The following CYSLTR1 variants were observed in gnomAD, a reference collection of about 807,000 sequenced individuals.
The protein encoded by CYSLTR1 is G-protein coupled receptor HG55.
CYSLTR1 carries 1 observed loss-of-function variant against 2.1 expected under a neutral mutation model. The ratio of observed to expected loss-of-function variants is 0.48; its 90% confidence interval spans 0.17 to 2.28. The LOEUF (loss-of-function observed/expected upper bound fraction) is 2.28, where lower values mean the gene tolerates loss of function less well. Among genes scored for constraint, CYSLTR1 ranks in the 30% most tolerant of loss-of-function variants. The pLI is 0.26. For synonymous variants in CYSLTR1, 110 were observed against 89.6 expected, an observed-to-expected ratio of 1.23 and a Z score of -1.28; for missense variants, 299 against 250.1, an observed-to-expected ratio of 1.20 and a Z score of -1.32.
intron 1 of CYSLTR1, among the ~76,000 whole-genome samples, chrX:78,285,602 A>G (rs1221228320): frequency 1.8e-5 from 2 of 111,854 alleles, no homozygotes; most frequent in African/African-American, 6.5e-5. Context: ...GAGAAGTTTA[A>G]TATTACCAGC....
At position 78,273,424 on chromosome X, in the gene CYSLTR1, T is replaced by C; in HGVS notation, c.323A>G (p.Tyr108Cys). The C allele has an allele frequency of 2.5e-6, 3 of 1,211,192 alleles. No individual in the cohort carries two copies. The highest frequency in any genetic ancestry group is 3.4e-6 in the Non-Finnish European group (3 of 895,260). ...GGCTGTCATAAAGAAGATGCTACAA[T>C]AGAGGTTGACATACAAAGCATAGGT... ...LSTYALYVNLYCSIFFMTAMS... is the reference protein window; with the variant it reads ...LSTYALYVNLCCSIFFMTAMS... The change falls in exon 3 of 3, where the codon TAT becomes TGT. Residue 108 changes from tyrosine to cysteine, a missense_variant. Tyr to Cys is a radical substitution (Grantham distance 194, BLOSUM62 -2). Transcript: ENST00000373304.
rs756063081 is a variant in CYSLTR1, at chrX:78,298,705, G to T, written c.-114-15165C>A. ...AGTATAGTGACTCCTGCTCTTTTTG[G>T]TTTTTTATTGGCATGGAATGTCTTT... On this transcript the variant is annotated intron_variant, in intron 1 of 2. Coordinates refer to ENST00000373304, the MANE Select transcript of CYSLTR1 (RefSeq NM_006639.4). 8.1e-5 allele frequency among the ~76,000 whole-genome samples: 9 copies of T among 110,937 alleles called. No individual in the cohort carries two copies. In the East Asian group the frequency reaches 1.1e-3, roughly 14 times the overall value.
In CYSLTR1 at chrX:78,271,792, TA is replaced by T. The variant is rs1025859606; in HGVS notation, c.*940del. 8.9e-6 allele frequency: 1 copy of T among 112,590 alleles called. No individual in the cohort carries two copies. The highest frequency in any genetic ancestry group is 3.2e-5 in the African/African-American group (1 of 31,010). 9.3% of individuals were successfully genotyped at this position (112,590 alleles called of 1,213,427 possible). A position where few individuals can be genotyped will look rare whatever the true frequency, so the allele number is the denominator to read the frequency against. ...CATATACATAAATGTATGCACTTCTTAAAAGAATTTGTAATGTGAACATTCA... is the reference window on the plus strand; with the variant it reads ...CATATACATAAATGTATGCACTTCTTAAAGAATTTGTAATGTGAACATTCA... On this transcript the variant is annotated 3_prime_UTR_variant, in exon 3 of 3. Transcript: ENST00000373304.
chrX:78,280,569 A>G (rs1017274045), intron 2 of CYSLTR1, among the ~76,000 whole-genome samples: 2 of 106,324 alleles, frequency 1.9e-5, no homozygotes, highest in Admixed American at 2.1e-4. Context: ...CTTTTTTTTC[A>G]CTTCTATTTT....
At chrX:78,316,008 C>T (rs1307093030) in intron 1 of CYSLTR1, among the ~76,000 whole-genome samples, 1 of 112,187 alleles carries the variant, frequency 8.9e-6, no homozygotes, top group African/African-American at 3.2e-5. Context: ...CACAGGGATG[C>T]TTGTGTCACT....
chrX:78,317,018 A>G (rs1329333686), intron 1 of CYSLTR1, among the ~76,000 whole-genome samples: 4 of 112,695 alleles, frequency 3.5e-5, no homozygotes, highest in Non-Finnish European at 7.5e-5. Flanking sequence ...TCTGCACAGC[A>G]AAAGAAATAA....
At chrX:78,292,994 T>A (rs770550397) in intron 1 of CYSLTR1, among the ~76,000 whole-genome samples, 1 of 111,364 alleles carries the variant, frequency 9.0e-6, no homozygotes, top group South Asian at 3.8e-4. Flanking sequence ...GTTAATATTG[T>A]TATGTGTGAA....
intron 1 of CYSLTR1, among the ~76,000 whole-genome samples, chrX:78,301,503 T>C (rs1922820501): frequency 8.9e-6 from 1 of 111,848 alleles, no homozygotes; most frequent in Non-Finnish European, 1.9e-5. Context: ...ATGCCACGAG[T>C]CTTTTTGCTA....
chrX:78,316,726 T>C (rs962931146), intron 1 of CYSLTR1, among the ~76,000 whole-genome samples: 1 of 111,329 alleles, frequency 9.0e-6, no homozygotes, highest in Non-Finnish European at 1.9e-5. Context: ...AACAAAAACA[T>C]AAACTGGGAA....
At chrX:78,284,759 T>TAAAAAAAAA (rs61463264) in intron 1 of CYSLTR1, among the ~76,000 whole-genome samples, 1 of 73,082 alleles carries the variant, frequency 1.4e-5, no homozygotes, top group Non-Finnish European at 2.5e-5. Flanking sequence ...AGAACTCTAC[T>TAAAAAAAAA]AAAAAAAAAA....
chrX:78,288,344 G>A (rs1388488464), intron 1 of CYSLTR1, among the ~76,000 whole-genome samples: 1 of 112,260 alleles, frequency 8.9e-6, no homozygotes, highest in East Asian at 2.8e-4. Context: ...GTGTCTCCAG[G>A]TAGTCCCCAG....
At chrX:78,318,689 T>G (rs1162330777) in intron 1 of CYSLTR1, among the ~76,000 whole-genome samples, 1 of 111,880 alleles carries the variant, frequency 8.9e-6, no homozygotes, top group Non-Finnish European at 1.9e-5. Context: ...ATTTCAAACA[T>G]ATTTTCAGAT....
At chrX:78,307,734 A>G (rs953571654) in intron 1 of CYSLTR1, among the ~76,000 whole-genome samples, 1 of 111,568 alleles carries the variant, frequency 9.0e-6, no homozygotes, top group African/African-American at 3.3e-5. Flanking sequence ...GAGGAGGAAA[A>G]TGTGTTCTAA....
chrX:78,321,579 A>G (rs1923658268), intron 1 of CYSLTR1: 1 of 109,414 alleles, frequency 9.1e-6, no homozygotes, highest in African/African-American at 3.3e-5. Context: ...AATCCCAGCT[A>G]CTCAGGAGGC....
At chrX:78,277,881 A>T (rs1157189925) in intron 2 of CYSLTR1, among the ~76,000 whole-genome samples, 1 of 111,937 alleles carries the variant, frequency 8.9e-6, no homozygotes, top group Non-Finnish European at 1.9e-5. Flanking sequence ...TCTTATTGCC[A>T]AATGACCACA....
intron 1 of CYSLTR1, among the ~76,000 whole-genome samples, chrX:78,300,389 G>A (rs1328544294): frequency 8.9e-6 from 1 of 112,588 alleles, no homozygotes; most frequent in African/African-American, 3.2e-5. Context: ...GAAAAATTAG[G>A]TATTTATTTC....
In CYSLTR1 at chrX:78,307,457, G is replaced by A. The variant is rs771901711; in HGVS notation, c.-115+19848C>T. 7.2e-5 allele frequency among the ~76,000 whole-genome samples: 8 copies of A among 111,579 alleles called. 1 individual carries two copies. The highest frequency in any genetic ancestry group is 1.5e-4 in the Non-Finnish European group (8 of 53,141). On this transcript the variant is annotated intron_variant, in intron 1 of 2. Coordinates refer to ENST00000373304, the MANE Select transcript of CYSLTR1 (RefSeq NM_006639.4). ...GCCATCAGGAGAGATATCTCTCCTCGAAATCTTTCTGATACTTTCTCTGAT... is the reference window on the plus strand; with the variant it reads ...GCCATCAGGAGAGATATCTCTCCTCAAAATCTTTCTGATACTTTCTCTGAT...
chrX:78,316,162 T>A, intron 1 of CYSLTR1, among the ~76,000 whole-genome samples: 1 of 112,616 alleles, frequency 8.9e-6, no homozygotes, highest in Non-Finnish European at 1.9e-5. Flanking sequence ...AAGGTAAAAG[T>A]AGCAGTGGGA....
chrX:78,296,645 T>A (rs1358716057), intron 1 of CYSLTR1, among the ~76,000 whole-genome samples: 2 of 111,738 alleles, frequency 1.8e-5, no homozygotes, highest in African/African-American at 3.2e-5. Context: ...TTAATTTTAT[T>A]TGTGGCTCTT....
Sources: gnomAD v4.1 joint callset for allele counts (sites outside exome capture counted in the v4.1 genomes callset) on GRCh38, gnomAD v4.1.1 for gene constraint, MANE v1.5 for transcripts, NCBI Gene and HGNC (gene_info 2026-07-23, HGNC 2026-07-21) for gene names.